ZNF385B: variants seen among roughly 807,000 people sequenced by gnomAD.
ZNF385B encodes zinc finger protein 385B.
Under a neutral mutation model 39.2 loss-of-function variants are expected in ZNF385B, and 23 were observed. The observed-to-expected ratio is 0.59, with a 90% CI of 0.42 to 0.83. The LOEUF (loss-of-function observed/expected upper bound fraction) is 0.83, where lower values mean the gene tolerates loss of function less well. Among genes scored for constraint, ZNF385B ranks in the 40% least tolerant of loss-of-function variants. ZNF385B has a pLI of 0.00. For synonymous variants in ZNF385B, 205 were observed against 222.6 expected, an observed-to-expected ratio of 0.92 and a Z score of 0.70; for missense variants, 552 against 598.9, an observed-to-expected ratio of 0.92 and a Z score of 0.82.
chr2:179,550,186 T>C (rs4530328), intron 3 of ZNF385B, among the ~76,000 whole-genome samples: 10,956 of 149,562 alleles, frequency 0.073, 964 homozygotes, highest in Middle Eastern at 0.2. Context: ...AGACTAATTG[T>C]ACTTAAAGCT....
rs184239719 is a variant in ZNF385B, at chr2:179,682,664, G to T, written c.298+86839C>A. 2.0e-3 allele frequency among the ~76,000 whole-genome samples: 309 copies of T among 152,236 alleles called. 2 individuals carry two copies. The highest frequency in any genetic ancestry group is 7.2e-3 in the African/African-American group (300 of 41,532). On this transcript the variant is annotated intron_variant, in intron 3 of 9. Transcript: ENST00000410066. ...GAGTTTTTATTCCTCCTGAATCCAA[G>T]AAGAAAATAAACCTACTACCCTCCT...
chr2:179,626,550 T>G (rs565716324), intron 3 of ZNF385B, among the ~76,000 whole-genome samples: 1 of 152,254 alleles, frequency 6.6e-6, no homozygotes, highest in Admixed American at 6.5e-5. Flanking sequence ...TTCAAATGCT[T>G]TTAGTATTAG....
chr2:179,520,192 G>A (rs1456400071), intron 4 of ZNF385B, among the ~76,000 whole-genome samples: 1 of 151,648 alleles, frequency 6.6e-6, no homozygotes, highest in Non-Finnish European at 1.5e-5. Context: ...ATGCTAAGAG[G>A]GGAGTTTTCT....
chr2:179,583,976 G>A (rs1206805758), intron 3 of ZNF385B: 4 of 1,296,510 alleles, frequency 3.1e-6, no homozygotes, highest in African/African-American at 3.0e-5. Context: ...CATATTTACC[G>A]AGCATCTGCC....
At chr2:179,615,839 A>G (rs1689683982) in intron 3 of ZNF385B, among the ~76,000 whole-genome samples, 2 of 152,352 alleles carry the variant, frequency 1.3e-5, no homozygotes, top group African/African-American at 4.8e-5. Flanking sequence ...ATAAAAATAA[A>G]GTACAGCACA....
chr2:179,562,136 T>C (rs1250908383), intron 3 of ZNF385B, among the ~76,000 whole-genome samples: 1 of 152,168 alleles, frequency 6.6e-6, no homozygotes, highest in Admixed American at 6.6e-5. Flanking sequence ...CGGTAGCTTA[T>C]AAAGATTAAA....
At chr2:179,566,125 A>G (rs1684549042) in intron 3 of ZNF385B, among the ~76,000 whole-genome samples, 1 of 152,222 alleles carries the variant, frequency 6.6e-6, no homozygotes, top group South Asian at 2.1e-4. Flanking sequence ...GCTGCATACT[A>G]CCTGATTAAA....
rs1696424488 is a variant in ZNF385B at position 179,674,141 on chromosome 2, A to C, written c.298+95362T>G. Among the ~76,000 whole-genome samples, 3 of 152,310 alleles carry C rather than the reference A, an allele frequency of 2.0e-5. No individual in the cohort carries two copies. In the South Asian group the frequency reaches 6.2e-4, roughly 32 times the overall value. On this transcript the variant is annotated intron_variant, in intron 3 of 9. Coordinates refer to ENST00000410066, the MANE Select transcript of ZNF385B (RefSeq NM_152520.6). Reference sequence around the variant, plus strand: ...AGGCTAATATTGCATTCCTTTGAAAAAAAGTATTTATCTATTTAACAAGAT... The same window carrying C: ...AGGCTAATATTGCATTCCTTTGAAACAAAGTATTTATCTATTTAACAAGAT...
intron 3 of ZNF385B, among the ~76,000 whole-genome samples, chr2:179,605,495 G>A (rs2106115215): frequency 6.6e-6 from 1 of 152,218 alleles, no homozygotes; most frequent in Middle Eastern, 3.4e-3. Context: ...AGTTAGGAAG[G>A]TGGGATCTAA....
chr2:179,443,302 C>T lies in ZNF385B; in HGVS notation c.1409G>A (p.Gly470Glu). The change falls in exon 10 of 10, where the codon GGG becomes GAG. Residue 470 changes from glycine (G) to glutamate (E), a missense_variant. By Grantham distance (98) the Gly-to-Glu change is moderately conservative. Coordinates refer to ENST00000410066, the MANE Select transcript of ZNF385B (RefSeq NM_152520.6). Reference protein sequence around the residue: ...PAIPPALLRPGHGPIRATPAS... With the variant: ...PAIPPALLRPEHGPIRATPAS... ...AGGAGTGGCGCGGATGGGCCCATGCCCAGGCCTCAGAAGAGCTGGAGGAAT... is the reference window on the plus strand; with the variant it reads ...AGGAGTGGCGCGGATGGGCCCATGCTCAGGCCTCAGAAGAGCTGGAGGAAT... The T allele has an allele frequency of 6.2e-7, 1 of 1,612,758 alleles. No homozygotes were observed. The highest frequency in any genetic ancestry group is 8.5e-7 in the Non-Finnish European group (1 of 1,179,976).
At chr2:179,654,014 T>C (rs1693474743) in intron 3 of ZNF385B, among the ~76,000 whole-genome samples, 2 of 152,162 alleles carry the variant, frequency 1.3e-5, no homozygotes, top group African/African-American at 4.8e-5. Flanking sequence ...TCTGCCTCAA[T>C]TAATTTTTTA....
At chr2:179,767,958 T>A (rs1266718127) in intron 3 of ZNF385B, among the ~76,000 whole-genome samples, 2 of 148,928 alleles carry the variant, frequency 1.3e-5, no homozygotes, top group East Asian at 1.9e-4. Context: ...ATATATATAT[T>A]TTGCTTTTTG....
intron 3 of ZNF385B, among the ~76,000 whole-genome samples, chr2:179,588,749 A>G (rs1323815748): frequency 6.6e-6 from 1 of 152,150 alleles, no homozygotes; most frequent in Non-Finnish European, 1.5e-5. Context: ...TCCATCTTCA[A>G]ATGTTACAAT....
intron 1 of ZNF385B, among the ~76,000 whole-genome samples, chr2:179,840,119 A>T (rs543529991): frequency 1.1e-4 from 16 of 152,346 alleles, no homozygotes; most frequent in African/African-American, 3.6e-4. Flanking sequence ...TCTTCATTCT[A>T]TGATTAGGTC....
chr2:179,796,545 T>C (rs574257969), intron 1 of ZNF385B, among the ~76,000 whole-genome samples: 1 of 152,270 alleles, frequency 6.6e-6, no homozygotes, highest in South Asian at 2.1e-4. Context: ...AAAACTAAAA[T>C]TGTGCTTTCT....
Position 179,493,632 on chromosome 2 carries a change from TATGTATACAC to T in ZNF385B, c.553-10208_553-10199del, listed in dbSNP as rs1428164951. 1.8e-5 allele frequency among the ~76,000 whole-genome samples: 2 copies of T among 108,138 alleles called. 1 individual carries two copies. Among genetic ancestry groups the T allele is most frequent in the Non-Finnish European group, 3.9e-5 (2 of 51,710 alleles). The allele number at this position is 108,138 out of a possible 152,430, so 70.9% of individuals were successfully genotyped here. On this transcript the variant is annotated intron_variant, in intron 5 of 9. Transcript: ENST00000410066. ...ATGTACGTACATATATGTATACGCA[TATGTATACAC>T]ATATGCGTATACATATATGTATATG...
At chr2:179,636,614 C>G (rs918216124) in intron 3 of ZNF385B, among the ~76,000 whole-genome samples, 1 of 152,146 alleles carries the variant, frequency 6.6e-6, no homozygotes, top group African/African-American at 2.4e-5. Context: ...TTGGAAGAAC[C>G]CATACAAGTG....
At chr2:179,852,156 C>G (rs1435376254) in intron 1 of ZNF385B, among the ~76,000 whole-genome samples, 1 of 152,182 alleles carries the variant, frequency 6.6e-6, no homozygotes, top group African/African-American at 2.4e-5. Flanking sequence ...TCATCTCAGT[C>G]TCCACTTGGC....
At chr2:179,750,230 T>C (rs1702594805) in intron 3 of ZNF385B, among the ~76,000 whole-genome samples, 2 of 152,110 alleles carry the variant, frequency 1.3e-5, no homozygotes, top group Admixed American at 1.3e-4. Flanking sequence ...GAGTTGTAAC[T>C]TGAGACTTCA....
Sources: allele counts gnomAD v4.1 joint callset (sites outside exome capture counted in the v4.1 genomes callset), GRCh38; gene constraint gnomAD v4.1.1; transcripts MANE v1.5; gene names NCBI Gene and HGNC (gene_info 2026-07-23, HGNC 2026-07-21).